Variants in RP1 observed in about 807,000 individuals in gnomAD.
RP1 encodes RP1 axonemal microtubule associated.
In RP1, 16 loss-of-function variants were observed where a neutral mutation model predicts 14.8. The ratio of observed to expected loss-of-function variants is 1.08; its 90% CI spans 0.73 to 1.65. The LOEUF is 1.65. Ranked by LOEUF, RP1 falls within the 40% of genes most tolerant of loss-of-function variation. The pLI, the probability that RP1 is intolerant of heterozygous loss-of-function variation, is 0.00. For missense variants in RP1, 2,631 were observed against 2,535.0 expected (o/e 1.04, Z -0.81); for synonymous variants, 876 against 883.6 (o/e 0.99, Z 0.15).
chr8:54,737,597 G>C (rs781698302), intron 18 of RP1, among the ~76,000 whole-genome samples: 2 of 152,076 alleles, frequency 1.3e-5, no homozygotes, highest in Non-Finnish European at 2.9e-5. Context: ...ATAAGGAAGT[G>C]GGGGGAAATT....
At chr8:54,774,352 G>T (rs1809984362), downstream of RP1, among the ~76,000 whole-genome samples, 1 of 152,188 alleles carries the variant, frequency 6.6e-6, no homozygotes, top group Non-Finnish European at 1.5e-5. Context: ...CTTCAGGATT[G>T]CTTCATCAGT....
At chr8:54,709,746 TA>T (rs556611112) in intron 15 of RP1, among the ~76,000 whole-genome samples, 82 of 152,154 alleles carry the variant, frequency 5.4e-4, no homozygotes, top group Non-Finnish European at 9.7e-4. Flanking sequence ...TCCAGAGGGT[TA>T]AGGTCACTCC....
At chr8:54,756,361 G>A (rs1186770382) in intron 21 of RP1, among the ~76,000 whole-genome samples, 1 of 152,128 alleles carries the variant, frequency 6.6e-6, no homozygotes, top group East Asian at 1.9e-4. Flanking sequence ...AATTAAGTTT[G>A]GGGATTATGT....
At position 54,601,908 on chromosome 8, in the gene RP1, G is replaced by A. The variant is rs117850924; in HGVS notation, c.-12-19047G>A. Reference sequence around the variant, plus strand: ...ATCCATAAAGACAGAAAGTAGATTCGTGGTTGCCTAGGGCTGGTGTAGGGG... The same window carrying A: ...ATCCATAAAGACAGAAAGTAGATTCATGGTTGCCTAGGGCTGGTGTAGGGG... On this transcript the variant is annotated intron_variant, in intron 1 of 22. Coordinates refer to the RP1 transcript ENST00000636932. Among the ~76,000 whole-genome samples, 121 of 152,286 alleles carry A rather than the reference G, an allele frequency of 7.9e-4. 1 individual carries two copies. The East Asian group carries it at 0.02, about 25-fold the overall frequency.
intron 24 of RP1, among the ~76,000 whole-genome samples, chr8:54,793,678 A>C (rs751150308): frequency 5.9e-5 from 9 of 152,058 alleles, no homozygotes; most frequent in Admixed American, 1.3e-4. Context: ...GAATGTATCC[A>C]ACCTAATAAA....
At chr8:54,729,899 T>C (rs1808751016) in intron 17 of RP1, among the ~76,000 whole-genome samples, 1 of 152,120 alleles carries the variant, frequency 6.6e-6, no homozygotes, top group Non-Finnish European at 1.5e-5. Flanking sequence ...ATTATATTAA[T>C]GGTTATTCTT....
intron 25 of RP1, chr8:54,837,761 A>T (rs956509084): frequency 3.0e-6 from 2 of 658,628 alleles, no homozygotes; most frequent in South Asian, 1.6e-4. Context: ...TCTGTAAAGG[A>T]CCAGACAGTA....
intron 24 of RP1, among the ~76,000 whole-genome samples, chr8:54,823,143 A>G (rs1191829595): frequency 2.6e-5 from 4 of 151,994 alleles, no homozygotes; most frequent in Non-Finnish European, 5.9e-5. Flanking sequence ...AAGATCTGGA[A>G]CTATTCCATC....
At chr8:54,663,382 A>G (rs1806942538) in intron 6 of RP1, among the ~76,000 whole-genome samples, 1 of 152,208 alleles carries the variant, frequency 6.6e-6, no homozygotes, top group Non-Finnish European at 1.5e-5. Context: ...AAAAAAAAGT[A>G]TGTCAAATTT....
intron 17 of RP1, among the ~76,000 whole-genome samples, chr8:54,733,633 G>A (rs1357542101): frequency 3.3e-5 from 5 of 152,130 alleles, no homozygotes; most frequent in African/African-American, 7.2e-5. Flanking sequence ...TTAAAGGAAG[G>A]AGATCAGCTC....
intron 22 of RP1, among the ~76,000 whole-genome samples, chr8:54,766,412 G>A (rs1018881485): frequency 4.6e-5 from 7 of 151,972 alleles, no homozygotes; most frequent in Non-Finnish European, 8.8e-5. Context: ...GCTATTCTGA[G>A]CATGTATTTG....
chr8:54,855,244 T>C (rs767562376), intron 26 of RP1, among the ~76,000 whole-genome samples: 2 of 152,240 alleles, frequency 1.3e-5, no homozygotes, highest in Non-Finnish European at 2.9e-5. Flanking sequence ...ATTTATTTCC[T>C]TCGCGAGACT....
At chr8:54,738,853 A>C in intron 18 of RP1, 1 of 739,028 alleles carries the variant, frequency 1.4e-6, no homozygotes, top group South Asian at 2.7e-5. Context: ...TTAGGAACAA[A>C]AAATGCAGTT....
chr8:54,737,907 G>A (rs1266140260), intron 18 of RP1, among the ~76,000 whole-genome samples: 1 of 152,116 alleles, frequency 6.6e-6, no homozygotes, highest in African/African-American at 2.4e-5. Flanking sequence ...CTAGTCTGCA[G>A]AGGTAGATTG....
chr8:54,750,846 T>G (rs907099453), intron 19 of RP1, among the ~76,000 whole-genome samples: 3 of 152,168 alleles, frequency 2.0e-5, no homozygotes, highest in Non-Finnish European at 2.9e-5. Context: ...TCAGCAGGAC[T>G]CTGAAAGCCA....
Position 54,625,231 on chromosome 8 carries a change from C to T in RP1, c.1349C>T (p.Pro450Leu). ...DQAKHRFYRP[P>L]TPGLRRVRQK... ...GCAAAGCATCGTTTTTATAGGCCCC[C>T]TACACCTGGACTAAGAAGAGTGAGA... Residue 450 changes from proline to leucine, a missense_variant, in exon 4 of 4, where the codon CCT (proline) becomes CTT (leucine). Transcript: ENST00000220676. 6.2e-7 allele frequency: 1 copy of T among 1,614,120 alleles called. No homozygotes were observed. Among genetic ancestry groups the T allele is most frequent in the Non-Finnish European group, 8.5e-7 (1 of 1,180,024 alleles).
In RP1 at chr8:54,629,165, T is replaced by C. The variant is rs763350554; in HGVS notation, c.5283T>C (p.Pro1761=). The change falls in exon 4 of 4, where the codon CCT becomes CCC. Residue 1761 remains proline, a synonymous_variant. Coordinates refer to ENST00000220676, the MANE Select transcript of RP1 (RefSeq NM_006269.2). ...TGCTAAGGATGTCATCTGAAAATCCTGGCATGTGTGGCAATGCAGACACCA... is the reference window on the plus strand; with the variant it reads ...TGCTAAGGATGTCATCTGAAAATCCCGGCATGTGTGGCAATGCAGACACCA... The part of the protein sequence containing the change: ...NHLLRMSSEN[P]GMCGNADTTS... The C allele has an allele frequency of 3.7e-6, 6 of 1,614,146 alleles. No homozygotes were observed. In the South Asian group the frequency reaches 5.5e-5, roughly 15 times the overall value.
chr8:54,781,904 G>A (rs1355739035), intron 23 of RP1, among the ~76,000 whole-genome samples: 2 of 152,048 alleles, frequency 1.3e-5, no homozygotes, highest in African/African-American at 4.8e-5. Context: ...TGAATCAATG[G>A]TTCCTTGCTA....
At chr8:54,778,751 T>G (rs1810107630) in intron 23 of RP1, among the ~76,000 whole-genome samples, 1 of 152,032 alleles carries the variant, frequency 6.6e-6, no homozygotes, top group South Asian at 2.1e-4. Context: ...AAGGAGCCTT[T>G]TAGGATAGCT....
Sources: allele counts gnomAD v4.1 joint callset (sites outside exome capture counted in the v4.1 genomes callset), GRCh38; gene constraint gnomAD v4.1.1; transcripts MANE v1.5; gene names NCBI Gene and HGNC (gene_info 2026-07-23, HGNC 2026-07-21).